KCND2: variants seen among roughly 807,000 people sequenced by gnomAD.
The protein encoded by KCND2 is A-type voltage-gated potassium channel KCND2.
KCND2 carries 16 observed loss-of-function variants against 54.4 expected under a neutral mutation model. That is an observed-to-expected ratio of 0.29 (90% CI 0.20 to 0.45). The LOEUF is 0.45. Among genes scored for constraint, KCND2 ranks in the 20% least tolerant of loss-of-function variants. The probability of loss-of-function intolerance (pLI) is 1.00; values close to 1 mark genes in which losing one functional copy is unlikely to be tolerated. For missense variants in KCND2, 486 were observed against 824.2 expected, an observed-to-expected ratio of 0.59 and a Z score of 5.02; for synonymous variants, 317 against 310.7, an observed-to-expected ratio of 1.02 and a Z score of -0.21.
intron 1 of KCND2, among the ~76,000 whole-genome samples, chr7:120,537,077 G>C (rs1791921226): frequency 6.6e-6 from 1 of 152,026 alleles, no homozygotes; most frequent in South Asian, 2.1e-4. Flanking sequence ...CTCTATGTCA[G>C]CTATAACTTT....
chr7:120,681,916 G>C (rs1254787288), intron 1 of KCND2, among the ~76,000 whole-genome samples: 6 of 151,678 alleles, frequency 4.0e-5, no homozygotes, highest in Non-Finnish European at 8.8e-5. Flanking sequence ...CTAACTTAAA[G>C]ATAATTAAAT....
intron 1 of KCND2, among the ~76,000 whole-genome samples, chr7:120,670,744 G>A (rs1470362316): frequency 6.6e-6 from 1 of 151,772 alleles, no homozygotes; most frequent in Non-Finnish European, 1.5e-5. Context: ...GTGAAACCCC[G>A]TCTCTACTAA....
chr7:120,620,391 G>A (rs1793083338), intron 1 of KCND2, among the ~76,000 whole-genome samples: 1 of 152,066 alleles, frequency 6.6e-6, no homozygotes, highest in Non-Finnish European at 1.5e-5. Context: ...ATCTTTAGTA[G>A]GAGTTCAGTT....
intron 1 of KCND2, among the ~76,000 whole-genome samples, chr7:120,438,815 C>G (rs2116188242): frequency 6.6e-6 from 1 of 152,044 alleles, no homozygotes; most frequent in East Asian, 1.9e-4. Flanking sequence ...TCAACCTGAC[C>G]CAGCTTGTTT....
At chr7:120,324,719 G>A (rs1584730693) in intron 1 of KCND2, among the ~76,000 whole-genome samples, 1 of 152,078 alleles carries the variant, frequency 6.6e-6, no homozygotes, top group East Asian at 1.9e-4. Context: ...AGTATAATTT[G>A]AAGTCAGGTA....
At chr7:120,608,330 A>ATG (rs1327930833) in intron 1 of KCND2, among the ~76,000 whole-genome samples, 1 of 152,138 alleles carries the variant, frequency 6.6e-6, no homozygotes, top group Non-Finnish European at 1.5e-5. Flanking sequence ...TTTATAGCAA[A>ATG]TGTGTAAGGA....
intron 1 of KCND2, among the ~76,000 whole-genome samples, chr7:120,629,528 A>G (rs564059515): frequency 3.9e-5 from 6 of 152,282 alleles, no homozygotes; most frequent in Admixed American, 2.6e-4. Context: ...AAAACAAATG[A>G]CACAGACGTT....
At chr7:120,727,212 A>G (rs1264004561) in intron 1 of KCND2, among the ~76,000 whole-genome samples, 1 of 152,212 alleles carries the variant, frequency 6.6e-6, no homozygotes, top group Non-Finnish European at 1.5e-5. Context: ...AAGAAAATTC[A>G]AGGAAATATT....
rs1799142539 is a variant in KCND2, at chr7:120,274,551, G to T, written c.-82G>T. 6.6e-7 allele frequency: 1 copy of T among 1,518,350 alleles called. No individual in the cohort carries two copies. The highest frequency in any genetic ancestry group is 9.1e-7 in the Non-Finnish European group (1 of 1,093,926). 94.1% of individuals were successfully genotyped at this position (1,518,350 alleles called of 1,614,324 possible). A position where few individuals can be genotyped will look rare whatever the true frequency, so the allele number is the denominator to read the frequency against. Reference sequence around the variant, plus strand: ...TTTCTCACTAGTACTTTGCTTGACTGGAGGAAGTGGGTGACTTTTGGCTGC... The same window carrying T: ...TTTCTCACTAGTACTTTGCTTGACTTGAGGAAGTGGGTGACTTTTGGCTGC... On this transcript the variant is annotated 5_prime_UTR_variant, in exon 1 of 6. Coordinates refer to ENST00000331113, the MANE Select transcript of KCND2 (RefSeq NM_012281.3).
At chr7:120,364,753 G>C (rs933191805) in intron 1 of KCND2, among the ~76,000 whole-genome samples, 3 of 152,034 alleles carry the variant, frequency 2.0e-5, no homozygotes, top group Non-Finnish European at 4.4e-5. Context: ...AACATCACCT[G>C]GGGAGTGGTA....
chr7:120,587,815 T>C (rs1489698786), intron 1 of KCND2, among the ~76,000 whole-genome samples: 2 of 152,306 alleles, frequency 1.3e-5, no homozygotes, highest in East Asian at 3.9e-4. Flanking sequence ...TCTTTTTGCT[T>C]TAATTTTTAG....
intron 1 of KCND2, among the ~76,000 whole-genome samples, chr7:120,702,875 C>A (rs1238294034): frequency 6.6e-6 from 1 of 151,920 alleles, no homozygotes; most frequent in Non-Finnish European, 1.5e-5. Context: ...GTACAATAAC[C>A]CCCCCGTCAC....
chr7:120,637,388 A>T (rs1309363823), intron 1 of KCND2, among the ~76,000 whole-genome samples: 1 of 152,124 alleles, frequency 6.6e-6, no homozygotes, highest in African/African-American at 2.4e-5. Context: ...TCCTGCCAAG[A>T]TGTAGGAATT....
chr7:120,592,178 C>T (rs192848155), intron 1 of KCND2, among the ~76,000 whole-genome samples: 20 of 152,220 alleles, frequency 1.3e-4, no homozygotes, highest in Admixed American at 1.1e-3. Flanking sequence ...CCACATGCGA[C>T]AATTCTGACA....
intron 1 of KCND2, among the ~76,000 whole-genome samples, chr7:120,531,660 T>C (rs6978574): frequency 0.064 from 9,727 of 152,114 alleles, 638 homozygotes; most frequent in African/African-American, 0.18. Context: ...CTTTTCTGGG[T>C]CACCAGTAAC....
intron 1 of KCND2, among the ~76,000 whole-genome samples, chr7:120,316,803 G>GA (rs1037045162): frequency 2.0e-5 from 3 of 150,532 alleles, no homozygotes; most frequent in Admixed American, 6.6e-5. Flanking sequence ...TTATGTGAAG[G>GA]AAAAAAAATC....
chr7:120,701,690 A>C (rs545048486), intron 1 of KCND2, among the ~76,000 whole-genome samples: 19 of 152,166 alleles, frequency 1.2e-4, no homozygotes, highest in Non-Finnish European at 2.4e-4. Flanking sequence ...CTGACAAAAC[A>C]AGCAGGAGGA....
intron 1 of KCND2, among the ~76,000 whole-genome samples, chr7:120,435,254 G>A (rs973824966): frequency 2.7e-5 from 4 of 149,008 alleles, no homozygotes; most frequent in African/African-American, 1.0e-4. Context: ...TTGTAGGCGT[G>A]CACCACCATG....
At chr7:120,745,472 TC>T (rs980540790) in intron 4 of KCND2, among the ~76,000 whole-genome samples, 2 of 152,066 alleles carry the variant, frequency 1.3e-5, no homozygotes, top group South Asian at 4.2e-4. Flanking sequence ...GTTTTTTTTT[TC>T]CTTATCATAT....
Sources: allele counts gnomAD v4.1 joint callset (sites outside exome capture counted in the v4.1 genomes callset), GRCh38; gene constraint gnomAD v4.1.1; transcripts MANE v1.5; gene names NCBI Gene and HGNC (gene_info 2026-07-23, HGNC 2026-07-21).